The following HERC2 variants were observed in gnomAD, a reference collection of about 807,000 sequenced individuals.
The protein encoded by HERC2 is E3 ubiquitin-protein ligase HERC2.
A neutral mutation model predicts 537.7 loss-of-function variants in HERC2; 102 were observed. That is an observed-to-expected ratio of 0.19 (90% CI 0.16 to 0.22). The LOEUF is 0.22. HERC2 is among the 10% of genes least tolerant of loss of function. The pLI is 1.00. For missense variants in HERC2, 4,236 were observed against 6,198.2 expected (o/e 0.68, Z 10.63); for synonymous variants, 2,224 against 2,466.2 (o/e 0.90, Z 2.91).
chr15:28,294,890 G>T (rs1196584042), intron 3 of HERC2, among the ~76,000 whole-genome samples: 3 of 151,880 alleles, frequency 2.0e-5, no homozygotes, highest in Admixed American at 1.3e-4. Context: ...AATCTTCTAG[G>T]GTTATAAACA....
chr15:28,276,075 T>C (rs1346840712), intron 5 of HERC2, among the ~76,000 whole-genome samples: 1 of 147,880 alleles, frequency 6.8e-6, no homozygotes, highest in African/African-American at 2.5e-5. Flanking sequence ...TAGTCCCAGC[T>C]ACTCGGAGGC....
At chr15:28,155,451 C>T (rs867009828) in intron 69 of HERC2, among the ~76,000 whole-genome samples, 11 of 152,228 alleles carry the variant, frequency 7.2e-5, no homozygotes, top group Middle Eastern at 3.4e-3. Context: ...TTTTAACGAT[C>T]GCCATTCTAA....
chr15:28,223,158 G>A (rs1001428166), intron 35 of HERC2, among the ~76,000 whole-genome samples: 2 of 152,142 alleles, frequency 1.3e-5, no homozygotes, highest in African/African-American at 2.4e-5. Flanking sequence ...CAAAACAGAA[G>A]CCGAGCTGCT....
chr15:28,199,163 T>C (rs957658155), intron 48 of HERC2, among the ~76,000 whole-genome samples: 1 of 151,958 alleles, frequency 6.6e-6, no homozygotes, highest in African/African-American at 2.4e-5. Flanking sequence ...AAAAAAGAAT[T>C]TCATCTAGCA....
At chr15:28,209,280 T>G (rs1398346018) in intron 44 of HERC2, among the ~76,000 whole-genome samples, 2 of 152,216 alleles carry the variant, frequency 1.3e-5, no homozygotes, top group Non-Finnish European at 2.9e-5. Context: ...TAAAACAATT[T>G]TTTAAAATAT....
intron 41 of HERC2, 43 bp downstream of exon 41, chr15:28,214,033 G>C: frequency 6.2e-7 from 1 of 1,610,646 alleles, no homozygotes; most frequent in South Asian, 1.1e-5. Context: ...AATCCCTACA[G>C]GTTCACCGTT....
At chr15:28,274,795 A>G in intron 6 of HERC2, 110 bp downstream of exon 6, 2 of 810,564 alleles carry the variant, frequency 2.5e-6, no homozygotes, top group Admixed American at 2.0e-5. Flanking sequence ...ACTGAGGCAC[A>G]GAGAGCACAT....
rs755216811 is a variant in HERC2 at position 28,214,245 on chromosome 15, C to T, written c.6386G>A (p.Arg2129His). 1.9e-5 allele frequency: 31 copies of T among 1,611,534 alleles called. 1 individual carries two copies. Among genetic ancestry groups the T allele is most frequent in the Admixed American group, 3.3e-5 (2 of 59,978 alleles). The change falls in exon 41 of 93, where the codon CGC (arginine) becomes CAC (histidine). Residue 2129 changes from arginine to histidine, a missense_variant. Arg to His is a conservative substitution (Grantham distance 29). Transcript: ENST00000261609. ...RESTLRRRRV[R>H]PQASLTATHS... ...GGTGGCAGTCAGCGAGGCCTGCGGG[C>T]GCACCCTGCGCCGCCTCAGCGTGGA...
At chr15:28,189,999 TTTTC>T (rs1028286701) in intron 55 of HERC2, among the ~76,000 whole-genome samples, 23 of 146,830 alleles carry the variant, frequency 1.6e-4, no homozygotes, top group East Asian at 1.4e-3. Context: ...ATATCTTTTT[TTTTC>T]TTTCTTTCTT....
intron 23 of HERC2, among the ~76,000 whole-genome samples, chr15:28,241,224 T>C (rs1903082935): frequency 1.3e-5 from 2 of 152,148 alleles, no homozygotes; most frequent in South Asian, 4.1e-4. Flanking sequence ...GACTTGAATA[T>C]GCATTTCTCC....
Position 28,265,643 on chromosome 15 carries a change from A to G in HERC2, c.1845T>C (p.Ala615=). ...CGTTCTCAGTGACAGCCAGGGTTTGAGCATCCCCACTCCCACACGCCACAT... is the reference window on the plus strand; with the variant it reads ...CGTTCTCAGTGACAGCCAGGGTTTGGGCATCCCCACTCCCACACGCCACAT... ...VIDVACGSGD[A]QTLAVTENGQ... is the part of the protein sequence containing the mutation. The change falls in exon 14 of 93, where the codon GCT becomes GCC. Residue 615 remains alanine, a synonymous_variant. Coordinates refer to ENST00000261609, the MANE Select transcript of HERC2 (RefSeq NM_004667.6). The surrounding 1 kb of genome is among the most constrained non-coding windows in gnomAD (Gnocchi z 4.0). The G allele has an allele frequency of 1.2e-6, 2 of 1,614,036 alleles. No homozygotes were observed. The highest frequency in any genetic ancestry group is 8.5e-7 in the Non-Finnish European group (1 of 1,179,998).
chr15:28,201,629 G>GA (rs1490742868), intron 47 of HERC2, 75 bp from the exon 48 acceptor site: 2 of 920,368 alleles, frequency 2.2e-6, no homozygotes, highest in African/African-American at 1.7e-5. Context: ...ATAAGTCTGT[G>GA]AAATCTATAA....
At chr15:28,194,068 C>CTT (rs773769951) in intron 52 of HERC2, among the ~76,000 whole-genome samples, 3 of 138,496 alleles carry the variant, frequency 2.2e-5, no homozygotes, top group African/African-American at 5.3e-5. Flanking sequence ...ATCCTTTGAC[C>CTT]TTTTTTTTTT....
Position 28,115,518 on chromosome 15 carries a change from G to T in HERC2, c.13633C>A (p.Arg4545=). The T allele has an allele frequency of 6.2e-7, 1 of 1,613,908 alleles. No homozygotes were observed. Among genetic ancestry groups the T allele is most frequent in the African/African-American group, 1.3e-5 (1 of 74,998 alleles). The part of the protein sequence containing the change: ...FLGVLLGIAI[R]TGSPLSLNLA... Reference sequence around the variant, plus strand: ...TTGAGGCTCAGGGGACTCCCGGTTCGGATGGCAATGCCCAGCAACACACCT... The same window carrying T: ...TTGAGGCTCAGGGGACTCCCGGTTCTGATGGCAATGCCCAGCAACACACCT... The change falls in exon 89 of 93, where the codon CGA becomes AGA. Residue 4545 remains arginine, a synonymous_variant. Coordinates refer to ENST00000261609, the MANE Select transcript of HERC2 (RefSeq NM_004667.6).
rs1225132048 is a variant in HERC2 at position 28,132,681 on chromosome 15, T to C, written c.12380A>G (p.Asp4127Gly). 4 of 1,575,922 alleles carry C rather than the reference T, an allele frequency of 2.5e-6. No homozygotes were observed. The highest frequency in any genetic ancestry group is 3.4e-6 in the Non-Finnish European group (4 of 1,160,322). The change falls in exon 80 of 93, where the codon GAC (aspartate) becomes GGC (glycine). Residue 4127 changes from aspartate to glycine, a missense_variant. Transcript: ENST00000261609. Reference protein sequence around the residue: ...KGRYGRLGHSDSEDQLKPKLV... With the variant: ...KGRYGRLGHSGSEDQLKPKLV... ...CTTCGGCTTCAGCTGGTCCTCACTG[T>C]CGCTGTGCCCCAGCCGGCCGTAGCG...
At position 28,268,462 on chromosome 15, in the gene HERC2, T is replaced by C; in HGVS notation, c.1598+3A>G. On this transcript the variant is annotated splice_donor_region_variant and intron_variant, in intron 12 of 92. Transcript: ENST00000261609. This position sits in a 1 kb window ranked among gnomAD's most constrained non-coding sequence, Gnocchi z 4.7. ...GTCCCCTACAGGAATAAGCGATACA[T>C]ACACAGTGTCCCCATGGCCCAGCCG... 6.2e-7 allele frequency: 1 copy of C among 1,613,344 alleles called. No homozygotes were observed. The highest frequency in any genetic ancestry group is 8.5e-7 in the Non-Finnish European group (1 of 1,179,590).
intron 48 of HERC2, among the ~76,000 whole-genome samples, chr15:28,200,152 T>C (rs188564747): frequency 6.6e-5 from 10 of 152,228 alleles, no homozygotes; most frequent in Admixed American, 5.9e-4. Flanking sequence ...ATCCCAGCAC[T>C]TTGGGAGGCC....
rs570970264 is a variant in HERC2 at position 28,151,147 on chromosome 15, T to C, written c.10900+1530A>G. Among the ~76,000 whole-genome samples the C allele has an allele frequency of 4.2e-4, 64 of 152,378 alleles. 1 individual carries two copies. The highest frequency in any genetic ancestry group is 1.5e-3 in the African/African-American group (62 of 41,584). ...ACTGATGTTGGCAGTATTGAAATTA[T>C]ATCCTAAGTCTGTCGTGTATGAAAT... On this transcript the variant is annotated intron_variant, in intron 70 of 92. Transcript: ENST00000261609.
chr15:28,131,233 C>A (rs1317604783), intron 81 of HERC2, among the ~76,000 whole-genome samples: 1 of 152,196 alleles, frequency 6.6e-6, no homozygotes, highest in African/African-American at 2.4e-5. Flanking sequence ...TCGGGACGTC[C>A]TGCTCCAGCC....
Sources: gnomAD v4.1 joint callset for allele counts (sites outside exome capture counted in the v4.1 genomes callset) on GRCh38, gnomAD v4.1.1 for gene constraint, Gnocchi (gnomAD v3.1) non-coding constraint, MANE v1.5 for transcripts, NCBI Gene and HGNC (gene_info 2026-07-23, HGNC 2026-07-21) for gene names.